Variants in PTPRN2 observed in about 807,000 individuals in gnomAD.
PTPRN2 encodes receptor-type tyrosine-protein phosphatase N2.
A neutral mutation model predicts 118.8 loss-of-function variants in PTPRN2; 74 were observed. The observed-to-expected ratio is 0.62, with a 90% CI of 0.52 to 0.76. The LOEUF is 0.76. Among genes scored for constraint, PTPRN2 ranks in the 30% least tolerant of loss-of-function variants. PTPRN2 has a pLI of 0.00. For synonymous variants in PTPRN2, 641 were observed against 608.0 expected (o/e 1.05, Z -0.80); for missense variants, 1,481 against 1,394.4 (o/e 1.06, Z -0.99).
At chr7:157,624,525 G>A (rs1803456226) in intron 14 of PTPRN2, among the ~76,000 whole-genome samples, 1 of 152,128 alleles carries the variant, frequency 6.6e-6, no homozygotes, top group Non-Finnish European at 1.5e-5. Flanking sequence ...TCTGCTGCTG[G>A]GCAAACCCAT....
intron 12 of PTPRN2, among the ~76,000 whole-genome samples, chr7:157,819,381 T>A (rs1000629061): frequency 3.3e-5 from 5 of 152,132 alleles, no homozygotes; most frequent in African/African-American, 1.2e-4. Flanking sequence ...TCTGAGCCCA[T>A]CCGTCAGCGT....
At chr7:158,539,842 T>A in intron 1 of PTPRN2, 1 of 218,902 alleles carries the variant, frequency 4.6e-6, no homozygotes, top group South Asian at 4.7e-5. Context: ...GGAGACATAC[T>A]GTGAGCCTGG....
chr7:157,723,471 C>T (rs891396969), intron 12 of PTPRN2, among the ~76,000 whole-genome samples: 2 of 152,202 alleles, frequency 1.3e-5, no homozygotes, highest in African/African-American at 4.8e-5. Context: ...CGGCCCCGTG[C>T]CCCTCTCCCC....
intron 12 of PTPRN2, among the ~76,000 whole-genome samples, chr7:157,884,343 C>G (rs1796338467): frequency 6.6e-6 from 1 of 152,208 alleles, no homozygotes; most frequent in South Asian, 2.1e-4. Flanking sequence ...CAAGTTGATT[C>G]TCTTCTATAA....
intron 2 of PTPRN2, among the ~76,000 whole-genome samples, chr7:158,365,862 AG>A (rs1809433967): frequency 7.9e-5 from 11 of 138,708 alleles, no homozygotes; most frequent in Non-Finnish European, 1.6e-4. Context: ...ACACACACAC[AG>A]CATCCCTGGG....
At chr7:158,061,264 A>G (rs1426631528) in intron 11 of PTPRN2, among the ~76,000 whole-genome samples, 1 of 152,254 alleles carries the variant, frequency 6.6e-6, no homozygotes, top group Non-Finnish European at 1.5e-5. Flanking sequence ...GCAATTACTG[A>G]TGTGCACAAA....
At chr7:157,800,811 G>A (rs1371907734) in intron 12 of PTPRN2, among the ~76,000 whole-genome samples, 1 of 151,874 alleles carries the variant, frequency 6.6e-6, no homozygotes, top group Non-Finnish European at 1.5e-5. Context: ...AACCAGCCGG[G>A]TGTGGTGGCG....
rs1801791200 is a variant in PTPRN2, at chr7:157,603,294, CG to C, written c.2418+707del. On this transcript the variant is annotated intron_variant, in intron 16 of 22. Transcript: ENST00000389418. The surrounding 1 kb of genome is among the most constrained non-coding windows in gnomAD (Gnocchi z 5.4). The stretch of plus-strand genomic sequence containing the variant: ...ACCTCCCCATTCAGCCCTGCTCCCC[CG>C]ACAGGTCATGACAGGGAAGGGGGAT... Among the ~76,000 whole-genome samples, 1 of 150,764 alleles carries C rather than the reference CG, an allele frequency of 6.6e-6. No individual in the cohort carries two copies. The highest frequency in any genetic ancestry group is 1.5e-5 in the Non-Finnish European group (1 of 67,750).
At chr7:158,326,500 A>T (rs1803532427) in intron 2 of PTPRN2, among the ~76,000 whole-genome samples, 1 of 152,208 alleles carries the variant, frequency 6.6e-6, no homozygotes, top group Non-Finnish European at 1.5e-5. Context: ...CATTCACAGC[A>T]TGCACACACA....
At chr7:157,552,827 G>A (rs1379281795) in intron 21 of PTPRN2, among the ~76,000 whole-genome samples, 5 of 152,204 alleles carry the variant, frequency 3.3e-5, no homozygotes, top group South Asian at 2.1e-4. Flanking sequence ...GGGCCTGGCC[G>A]GGAAGCTGGA....
At chr7:158,354,468 G>A (rs568220189) in intron 2 of PTPRN2, among the ~76,000 whole-genome samples, 2 of 133,094 alleles carry the variant, frequency 1.5e-5, no homozygotes, top group Admixed American at 1.6e-4. Flanking sequence ...ATAACACCAG[G>A]AAATCAATTC....
chr7:158,056,698 T>A (rs565439240), intron 11 of PTPRN2, among the ~76,000 whole-genome samples: 2 of 152,332 alleles, frequency 1.3e-5, no homozygotes, highest in South Asian at 4.1e-4. Flanking sequence ...TTCTTATAGC[T>A]ACATTTTGCC....
In PTPRN2 at chr7:157,585,171, CCT is replaced by C. The variant is rs1800609389; in HGVS notation, c.2497-7033_2497-7032del. ...ATGAGGGGGCAGCGGGAGGAACCCC[CCT>C]GTGCCGCTATCAGATCGACGCCTGT... On this transcript the variant is annotated intron_variant, in intron 17 of 22. Coordinates refer to ENST00000389418, the MANE Select transcript of PTPRN2 (RefSeq NM_002847.5). The surrounding 1 kb of genome is among the most constrained non-coding windows in gnomAD (Gnocchi z 5.2). Among the ~76,000 whole-genome samples the C allele has an allele frequency of 6.6e-6, 1 of 152,324 alleles. No homozygotes were observed. Among genetic ancestry groups the C allele is most frequent in the South Asian group, 2.1e-4 (1 of 4,824 alleles).
In PTPRN2 at chr7:158,306,179, T is replaced by A. The variant is rs373662523; in HGVS notation, c.277+10640A>T. Among the ~76,000 whole-genome samples, 7 of 152,222 alleles carry A rather than the reference T, an allele frequency of 4.6e-5. No individual in the cohort carries two copies. The East Asian group carries it at 5.8e-4, about 13-fold the overall frequency. ...TGTTTTACTTACCAGCCACCTGAGG[T>A]AGAGGATAATGGTTGGGACAAACAA... is the stretch of plus-strand genomic sequence containing the variant. On this transcript the variant is annotated intron_variant, in intron 3 of 22. Transcript: ENST00000389418.
At chr7:158,327,661 G>A (rs1324613290) in intron 2 of PTPRN2, among the ~76,000 whole-genome samples, 3 of 152,240 alleles carry the variant, frequency 2.0e-5, no homozygotes, top group Non-Finnish European at 4.4e-5. Flanking sequence ...CAGGTGTCCT[G>A]CTGTACCAGG....
chr7:157,691,356 C>T (rs1215456598), intron 12 of PTPRN2, among the ~76,000 whole-genome samples: 1 of 152,102 alleles, frequency 6.6e-6, no homozygotes, highest in Non-Finnish European at 1.5e-5. Context: ...GGTGCGTCGC[C>T]ACTCTTGGCA....
At chr7:157,796,909 C>A (rs1246121666) in intron 12 of PTPRN2, among the ~76,000 whole-genome samples, 1 of 152,164 alleles carries the variant, frequency 6.6e-6, no homozygotes, top group African/African-American at 2.4e-5. Flanking sequence ...GCCCCACACC[C>A]AACACTGGGG....
rs564681572 is a variant in PTPRN2 at position 157,837,311 on chromosome 7, C to T, written c.1788+61362G>A. ...ACCACCTGTCCACCCACCTGCCCAT[C>T]GACACGTCCCTCCATCTACCCACCC... On this transcript the variant is annotated intron_variant, in intron 12 of 22. Transcript: ENST00000389418. 2.0e-3 allele frequency among the ~76,000 whole-genome samples: 305 copies of T among 151,762 alleles called. 2 individuals are homozygous for T. The highest frequency in any genetic ancestry group is 6.8e-3 in the Middle Eastern group (2 of 294).
rs974743535 is a variant in PTPRN2 at position 157,861,592 on chromosome 7, G to T, written c.1788+37081C>A. ...CGAGCTGTGTGAGGCTTTTGGGGCTGCCAGAACAAAGGACTCCAGACGGAT... is the reference window on the plus strand; with the variant it reads ...CGAGCTGTGTGAGGCTTTTGGGGCTTCCAGAACAAAGGACTCCAGACGGAT... On this transcript the variant is annotated intron_variant, in intron 12 of 22. Coordinates refer to ENST00000389418, the MANE Select transcript of PTPRN2 (RefSeq NM_002847.5). The surrounding 1 kb of genome is among the most constrained non-coding windows in gnomAD (Gnocchi z 5.8). 6.6e-6 allele frequency among the ~76,000 whole-genome samples: 1 copy of T among 152,202 alleles called. No homozygotes were observed. The highest frequency in any genetic ancestry group is 3.2e-3 in the Middle Eastern group (1 of 316).
Sources: gnomAD v4.1 joint callset for allele counts (sites outside exome capture counted in the v4.1 genomes callset) on GRCh38, gnomAD v4.1.1 for gene constraint, Gnocchi (gnomAD v3.1) non-coding constraint, MANE v1.5 for transcripts, NCBI Gene and HGNC (gene_info 2026-07-23, HGNC 2026-07-21) for gene names.